Variants in ZNF536 observed in about 807,000 individuals in gnomAD.
The protein encoded by ZNF536 is zinc finger protein 536.
A neutral mutation model predicts 84.5 loss-of-function variants in ZNF536; 13 were observed. The ratio of observed to expected loss-of-function variants is 0.15; its 90% confidence interval spans 0.10 to 0.24. The LOEUF (loss-of-function observed/expected upper bound fraction) is 0.24. ZNF536 is among the 10% of genes least tolerant of loss of function. The pLI is 1.00. For synonymous variants in ZNF536, 811 were observed against 742.5 expected (o/e 1.09, Z -1.50); for missense variants, 1,536 against 1,747.5 (o/e 0.88, Z 2.16).
chr19:30,560,835 T>C (rs1395747723), downstream of ZNF536, among the ~76,000 whole-genome samples: 1 of 152,262 alleles, frequency 6.6e-6, no homozygotes, highest in African/African-American at 2.4e-5. Flanking sequence ...TTCGCGATGA[T>C]TAAATTACAT....
intron 1 of ZNF536, among the ~76,000 whole-genome samples, chr19:30,396,264 G>A (rs1047702411): frequency 6.6e-6 from 1 of 152,140 alleles, no homozygotes; most frequent in African/African-American, 2.4e-5. Context: ...CTGTAGATGG[G>A]AATTTGGAAT....
rs755711056 is a variant in ZNF536, at chr19:30,549,377, G to A, written c.3758G>A (p.Arg1253Gln). 1.8e-5 allele frequency: 28 copies of A among 1,599,438 alleles called. No homozygotes were observed. The highest frequency in any genetic ancestry group is 5.6e-5 in the South Asian group (5 of 88,738). Residue 1253 changes from arginine to glutamine, a missense_variant, in exon 4 of 5, where the codon CGG (arginine) becomes CAG (glutamine). This residue lies in a region of ZNF536 where 624 missense variants were observed against 603.1 expected (regional missense o/e 1.03). Transcript: ENST00000355537. Reference sequence around the variant, plus strand: ...TTGGCGGGCCTGCCAAAGCCGGAGCGGGGGCCCCAGAGCCTGGACAAGCCG... The same window carrying A: ...TTGGCGGGCCTGCCAAAGCCGGAGCAGGGGCCCCAGAGCCTGGACAAGCCG... ...DPLAGLPKPE[R>Q]GPQSLDKPMN...
intron 1 of ZNF536, among the ~76,000 whole-genome samples, chr19:30,563,344 A>G (rs1176837250): frequency 6.6e-6 from 1 of 152,162 alleles, no homozygotes; most frequent in Non-Finnish European, 1.5e-5. Flanking sequence ...CATTCTTGCG[A>G]TGGACAGACA....
At chr19:30,254,265 CTCT>C (rs1304450584) in intron 1 of ZNF536, among the ~76,000 whole-genome samples, 2 of 152,170 alleles carry the variant, frequency 1.3e-5, no homozygotes, top group East Asian at 3.9e-4. Flanking sequence ...GCTCCGAATG[CTCT>C]TCTTTGAAGT....
At position 30,635,633 on chromosome 19, in the gene ZNF536, G is replaced by A. The variant is rs992547982; in HGVS notation, c.170-75124G>A. 2.6e-5 allele frequency among the ~76,000 whole-genome samples: 4 copies of A among 152,294 alleles called. No individual in the cohort carries two copies. In the East Asian group the frequency reaches 7.7e-4, roughly 29 times the overall value. The stretch of plus-strand genomic sequence containing the variant: ...CCCCAAGAGCTCCTGGGTGTGGCTG[G>A]GGGTGTCCTTGGTCTTGAAAGAGAG... On this transcript the variant is annotated intron_variant, in intron 1 of 1. Coordinates refer to the ZNF536 transcript ENST00000592773.
intron 2 of ZNF536, among the ~76,000 whole-genome samples, chr19:30,531,969 C>T (rs1282729058): frequency 6.6e-6 from 1 of 152,066 alleles, no homozygotes; most frequent in East Asian, 1.9e-4. Flanking sequence ...GTACCCAATG[C>T]TTAGTTCCCC....
chr19:30,539,810 T>C (rs748666408), intron 3 of ZNF536, among the ~76,000 whole-genome samples: 10 of 152,144 alleles, frequency 6.6e-5, no homozygotes, highest in Non-Finnish European at 1.3e-4. Context: ...CCCTGGTGGG[T>C]GAGCACCTCA....
intron 2 of ZNF536, among the ~76,000 whole-genome samples, chr19:30,505,961 C>A (rs1393196120): frequency 6.6e-6 from 1 of 152,004 alleles, no homozygotes; most frequent in Non-Finnish European, 1.5e-5. Context: ...CCACCATGCT[C>A]AGCCAAGATT....
At chr19:30,658,116 A>G (rs913822482) in intron 1 of ZNF536, among the ~76,000 whole-genome samples, 1 of 149,128 alleles carries the variant, frequency 6.7e-6, no homozygotes, top group African/African-American at 2.5e-5. Context: ...TCTGCCTCCC[A>G]GGTTCAAGCG....
At chr19:30,367,275 G>C (rs1360096384) in intron 3 of ZNF536, among the ~76,000 whole-genome samples, 6 of 152,182 alleles carry the variant, frequency 3.9e-5, no homozygotes. Flanking sequence ...GGCCACCGCT[G>C]ACATGCTAAT....
chr19:30,520,852 T>G (rs938212501), intron 2 of ZNF536, among the ~76,000 whole-genome samples: 2 of 152,214 alleles, frequency 1.3e-5, no homozygotes. Flanking sequence ...CTTATTCCCA[T>G]GTCATAGGCA....
intron 2 of ZNF536, among the ~76,000 whole-genome samples, chr19:30,476,943 C>T (rs536341009): frequency 6.6e-6 from 1 of 151,838 alleles, no homozygotes; most frequent in Non-Finnish European, 1.5e-5. Flanking sequence ...CTTTGCACTT[C>T]CTATACTTGC....
intron 2 of ZNF536, among the ~76,000 whole-genome samples, chr19:30,462,200 G>C (rs1034017280): frequency 2.3e-4 from 35 of 152,172 alleles, no homozygotes; most frequent in African/African-American, 8.2e-4. Flanking sequence ...CCCCACCTAA[G>C]ATGCTCTTGG....
rs143824936 is a variant in ZNF536 at position 30,461,040 on chromosome 19, G to A, written c.2170+15308G>A. Reference sequence around the variant, plus strand: ...CTGCAGGGTCAGGCCGTGTGGGCGCGTCGGAGGGGTTGGGCATAGGGTGAG... The same window carrying A: ...CTGCAGGGTCAGGCCGTGTGGGCGCATCGGAGGGGTTGGGCATAGGGTGAG... On this transcript the variant is annotated intron_variant, in intron 2 of 4. Coordinates refer to ENST00000355537, the MANE Select transcript of ZNF536 (RefSeq NM_014717.3). Among the ~76,000 whole-genome samples the A allele has an allele frequency of 5.6e-3, 854 of 152,246 alleles. 9 individuals carry two copies. Among genetic ancestry groups the A allele is most frequent in the African/African-American group, 0.02 (828 of 41,546 alleles).
intron 2 of ZNF536, among the ~76,000 whole-genome samples, chr19:30,311,668 T>A (rs1030289623): frequency 6.6e-6 from 1 of 152,134 alleles, no homozygotes. Context: ...CCCAGCCTGA[T>A]ACCTGCCCAA....
intron 1 of ZNF536, among the ~76,000 whole-genome samples, chr19:30,624,421 T>C (rs2147172069): frequency 6.6e-6 from 1 of 152,320 alleles, no homozygotes; most frequent in Admixed American, 6.5e-5. Context: ...CCCAGAATGA[T>C]CTAACAGTGT....
At chr19:30,681,811 C>T (rs904812374) in intron 1 of ZNF536, among the ~76,000 whole-genome samples, 4 of 152,148 alleles carry the variant, frequency 2.6e-5, no homozygotes, top group Non-Finnish European at 4.4e-5. Context: ...TCTGGGTAGC[C>T]CCCCTTCCCC....
intron 1 of ZNF536, among the ~76,000 whole-genome samples, chr19:30,644,484 T>G (rs2049390758): frequency 6.6e-6 from 1 of 152,154 alleles, no homozygotes; most frequent in Non-Finnish European, 1.5e-5. Flanking sequence ...TCATTTAGCA[T>G]TAGGTATATC....
chr19:30,655,477 G>A (rs966775502), intron 1 of ZNF536, among the ~76,000 whole-genome samples: 1 of 152,268 alleles, frequency 6.6e-6, no homozygotes, highest in Non-Finnish European at 1.5e-5. Context: ...AATGGGGAAG[G>A]GCTGGAAGAA....
Sources: allele counts gnomAD v4.1 joint callset (sites outside exome capture counted in the v4.1 genomes callset), GRCh38; gene constraint gnomAD v4.1.1; regional missense constraint gnomAD v4.1.1; transcripts MANE v1.5; gene names NCBI Gene and HGNC (gene_info 2026-07-23, HGNC 2026-07-21).